Variants in FIG4 observed in about 807,000 individuals in gnomAD.
The protein encoded by FIG4 is polyphosphoinositide phosphatase.
Under a neutral mutation model 118.6 loss-of-function variants are expected in FIG4, and 112 were observed. The observed-to-expected ratio is 0.94, with a 90% CI of 0.81 to 1.11. The LOEUF is 1.11. Among genes scored for constraint, FIG4 ranks in the 50% least tolerant of loss-of-function variants. The pLI is 0.00. For synonymous variants in FIG4, 369 were observed against 381.2 expected, an observed-to-expected ratio of 0.97 and a Z score of 0.37; for missense variants, 969 against 1,111.7, an observed-to-expected ratio of 0.87 and a Z score of 1.83.
Position 109,804,486 on chromosome 6 carries a change from A to G in FIG4, c.2546+7635A>G, listed in dbSNP as rs1778511945. 2.0e-5 allele frequency among the ~76,000 whole-genome samples: 3 copies of G among 152,312 alleles called. No homozygotes were observed. In the South Asian group the frequency reaches 6.2e-4, roughly 32 times the overall value. ...AAGATAAACTTTTGGCTGAAATACA[A>G]GAAAACACATTTCAATTTTATATTT... On this transcript the variant is annotated intron_variant, in intron 22 of 22. Transcript: ENST00000230124.
At chr6:109,727,381 C>A in intron 4 of FIG4, 116 bp downstream of exon 4, 1 of 803,214 alleles carries the variant, frequency 1.2e-6, no homozygotes, top group Non-Finnish European at 2.2e-6. Flanking sequence ...CTTGGCCTCC[C>A]AGGCTCAAGT....
intron 1 of FIG4, among the ~76,000 whole-genome samples, chr6:109,698,027 T>A (rs1364750932): frequency 6.6e-6 from 1 of 152,056 alleles, no homozygotes; most frequent in Non-Finnish European, 1.5e-5. Context: ...TAGCTGGGAT[T>A]ACAGGTGCAC....
intron 21 of FIG4, among the ~76,000 whole-genome samples, chr6:109,793,722 A>G (rs1352343780): frequency 1.3e-5 from 2 of 152,024 alleles, no homozygotes; most frequent in African/African-American, 4.8e-5. Flanking sequence ...TACAGAATCC[A>G]TTGAATTAGA....
intron 3 of FIG4, among the ~76,000 whole-genome samples, chr6:109,721,516 G>T (rs1775610070): frequency 1.3e-5 from 2 of 152,084 alleles, no homozygotes; most frequent in South Asian, 4.1e-4. Flanking sequence ...ACTTTGCTTG[G>T]CTTCCCTCTC....
chr6:109,695,859 A>G (rs900520328), intron 1 of FIG4, among the ~76,000 whole-genome samples: 2 of 152,240 alleles, frequency 1.3e-5, no homozygotes, highest in Non-Finnish European at 2.9e-5. Flanking sequence ...GTTGGGAGCC[A>G]TCAAGTGGAA....
chr6:109,812,785 A>T (rs1036201399), intron 22 of FIG4, among the ~76,000 whole-genome samples: 10 of 152,128 alleles, frequency 6.6e-5, no homozygotes, highest in African/African-American at 2.2e-4. Context: ...GGTGCAGAGG[A>T]ATAGGACAGT....
chr6:109,789,734 C>T, intron 19 of FIG4, 57 bp downstream of exon 19: 15 of 1,229,784 alleles, frequency 1.2e-5, no homozygotes, highest in Non-Finnish European at 1.8e-5. Flanking sequence ...ATAGTACTTG[C>T]AATATGATTT....
In FIG4 at chr6:109,792,560, CTT is replaced by C. The variant is rs200535694; in HGVS notation, c.2377-11_2377-10del. ...TGTCTAAAAATTCTTCCTGGTTCTT[CTT>C]TTTTTTTTTTAAACCCCAGAATGTG... On this transcript the variant is annotated intron_variant, in intron 20 of 22. Coordinates refer to ENST00000230124, the MANE Select transcript of FIG4 (RefSeq NM_014845.6). 4,172 of 1,228,634 alleles carry C rather than the reference CTT, an allele frequency of 3.4e-3. No homozygotes were observed. Among genetic ancestry groups the C allele is most frequent in the East Asian group, 5.4e-3 (205 of 38,200 alleles). The allele number at this position is 1,228,634 out of a possible 1,614,324, so 76.1% of individuals were successfully genotyped here.
chr6:109,719,116 G>A (rs1257277508), intron 3 of FIG4, among the ~76,000 whole-genome samples: 15 of 151,852 alleles, frequency 9.9e-5, no homozygotes, highest in African/African-American at 3.4e-4. Context: ...ATGGGGTTTC[G>A]CCATGTTGGC....
At chr6:109,729,205 A>G (rs950289782) in intron 4 of FIG4, among the ~76,000 whole-genome samples, 5 of 152,208 alleles carry the variant, frequency 3.3e-5, no homozygotes, top group Non-Finnish European at 5.9e-5. Flanking sequence ...ACAGTTCACC[A>G]CATTAAAATA....
chr6:109,718,064 T>G (rs1775488497), intron 3 of FIG4, among the ~76,000 whole-genome samples: 1 of 152,154 alleles, frequency 6.6e-6, no homozygotes, highest in South Asian at 2.1e-4. Flanking sequence ...CTTCTGCTTC[T>G]AGGAGGCCCC....
chr6:109,762,104 G>A lies in FIG4; in HGVS notation c.1285G>A (p.Val429Ile). The part of the protein sequence containing the change: ...AKYTKSKLCN[V>I]LDRLNVIAES... The stretch of plus-strand genomic sequence containing the variant: ...TTCTCTCCTCAGCAAGCTGTGTAAT[G>A]TTCTTGATCGACTAAATGTGATTGC... The change falls in exon 12 of 23, where the codon GTT becomes ATT. Residue 429 changes from valine to isoleucine, a missense_variant. Around this residue, in one of 3 missense-constraint regions of FIG4, gnomAD observed 246 missense variants for 354.3 expected, o/e 0.69. Coordinates refer to ENST00000230124, the MANE Select transcript of FIG4 (RefSeq NM_014845.6). 1 of 1,609,068 alleles carries A rather than the reference G, an allele frequency of 6.2e-7. No homozygotes were observed. The highest frequency in any genetic ancestry group is 1.1e-5 in the South Asian group (1 of 90,962).
intron 3 of FIG4, among the ~76,000 whole-genome samples, chr6:109,724,242 T>G (rs1583651503): frequency 6.6e-6 from 1 of 152,138 alleles, no homozygotes; most frequent in East Asian, 1.9e-4. Context: ...AGTTTCTTAG[T>G]CCAGTATTAT....
chr6:109,760,512 G>T, intron 11 of FIG4, 129 bp downstream of exon 11: 2 of 842,232 alleles, frequency 2.4e-6, no homozygotes, highest in Non-Finnish European at 2.0e-6. Flanking sequence ...TTGAGGGGCT[G>T]TTTTGAGTGC....
At chr6:109,762,409 A>G (rs1456466281) in intron 12 of FIG4, among the ~76,000 whole-genome samples, 3 of 151,998 alleles carry the variant, frequency 2.0e-5, no homozygotes, top group African/African-American at 4.8e-5. Context: ...GATGTAAGCC[A>G]TGGGATCTGC....
chr6:109,731,039 A>G (rs1489760322), intron 4 of FIG4, among the ~76,000 whole-genome samples: 1 of 152,178 alleles, frequency 6.6e-6, no homozygotes, highest in Non-Finnish European at 1.5e-5. Context: ...AAAATACAAC[A>G]TAACTGAGAA....
chr6:109,712,217 T>C (rs910950031), intron 1 of FIG4, among the ~76,000 whole-genome samples: 1 of 152,206 alleles, frequency 6.6e-6, no homozygotes, highest in East Asian at 1.9e-4. Flanking sequence ...TTGGAGAATA[T>C]GATGATAATG....
chr6:109,821,664 A>G (rs995078505), intron 22 of FIG4, among the ~76,000 whole-genome samples: 5 of 152,172 alleles, frequency 3.3e-5, no homozygotes, highest in Admixed American at 1.3e-4. Context: ...GCAACCAGAG[A>G]CTGTGACCCT....
intron 10 of FIG4, among the ~76,000 whole-genome samples, chr6:109,759,870 C>A (rs1193499113): frequency 1.3e-5 from 2 of 152,202 alleles, no homozygotes; most frequent in Non-Finnish European, 2.9e-5. Context: ...TAGTTGATTT[C>A]TTTCTGGCCT....
Sources: allele counts gnomAD v4.1 joint callset (sites outside exome capture counted in the v4.1 genomes callset), GRCh38; gene constraint gnomAD v4.1.1; regional missense constraint gnomAD v4.1.1; transcripts MANE v1.5; gene names NCBI Gene and HGNC (gene_info 2026-07-23, HGNC 2026-07-21).